The following CCDC6 variants were observed in gnomAD, a reference collection of about 807,000 sequenced individuals.
CCDC6 encodes coiled-coil domain containing 6.
A neutral mutation model predicts 56.6 loss-of-function variants in CCDC6; 20 were observed. That is an observed-to-expected ratio of 0.35 (90% CI 0.25 to 0.51). CCDC6 has a LOEUF of 0.51. Among genes scored for constraint, CCDC6 ranks in the 20% least tolerant of loss-of-function variants. The pLI is 0.95. For missense variants in CCDC6, 367 were observed against 601.1 expected, an observed-to-expected ratio of 0.61 and a Z score of 4.07; for synonymous variants, 241 against 234.4, an observed-to-expected ratio of 1.03 and a Z score of -0.26.
At chr10:59,877,988 TAA>T (rs1045298182) in intron 1 of CCDC6, among the ~76,000 whole-genome samples, 5 of 152,166 alleles carry the variant, frequency 3.3e-5, no homozygotes, top group Non-Finnish European at 7.3e-5. Context: ...TTGAAAGTGT[TAA>T]GAGGGTACAC....
chr10:59,847,525 C>T (rs928715588), intron 2 of CCDC6, among the ~76,000 whole-genome samples: 9 of 152,110 alleles, frequency 5.9e-5, no homozygotes, highest in Admixed American at 1.3e-4. Flanking sequence ...CCTGACTCTG[C>T]AGGGGGGTTC....
At chr10:59,862,434 G>GC (rs2071137519) in intron 1 of CCDC6, among the ~76,000 whole-genome samples, 1 of 150,414 alleles carries the variant, frequency 6.6e-6, no homozygotes, top group Admixed American at 6.6e-5. Flanking sequence ...GTTGCAGTGA[G>GC]CTGAGATCAT....
Position 59,807,037 on chromosome 10 carries a change from T to G in CCDC6, c.889A>C (p.Met297Leu). ...TGGAGCCTCAAGTTCTCTTCTCTCA[T>G]GTGACGTTCCTCCTCCAGATACTGT... ...MAQYLEEERHMREENLRLQRK... is the reference protein window; with the variant it reads ...MAQYLEEERHLREENLRLQRK... Residue 297 changes from methionine to leucine, a missense_variant, in exon 6 of 9, where the codon ATG becomes CTG. By Grantham distance (15) the Met-to-Leu change is conservative (BLOSUM62 2). Transcript: ENST00000263102. 6.2e-7 allele frequency: 1 copy of G among 1,614,102 alleles called. No homozygotes were observed. The highest frequency in any genetic ancestry group is 8.5e-7 in the Non-Finnish European group (1 of 1,179,954).
intron 1 of CCDC6, among the ~76,000 whole-genome samples, chr10:59,895,091 C>G (rs373142575): frequency 7.2e-5 from 11 of 152,206 alleles, no homozygotes; most frequent in African/African-American, 2.6e-4. Flanking sequence ...GGCTTGAGCC[C>G]AGGAGTTCAA....
chr10:59,876,158 C>T (rs1011978561), intron 1 of CCDC6, among the ~76,000 whole-genome samples: 2 of 139,998 alleles, frequency 1.4e-5, no homozygotes, highest in African/African-American at 2.6e-5. Context: ...AAGTGATTCT[C>T]CTGCCTCAGC....
chr10:59,812,780 T>C lies in CCDC6; in HGVS notation c.702A>G (p.Lys234=). ...LEAEKRILQE[K]LDQPVSAPPS... Reference sequence around the variant, plus strand: ...GTGGAGCAGAGACGGGCTGGTCTAATTTTTCCTGCAGGATTCTTCATTGAA... The same window carrying C: ...GTGGAGCAGAGACGGGCTGGTCTAACTTTTCCTGCAGGATTCTTCATTGAA... The change falls in exon 5 of 9, where the codon AAA becomes AAG. Residue 234 remains lysine (K), a synonymous_variant. Coordinates refer to ENST00000263102, the MANE Select transcript of CCDC6 (RefSeq NM_005436.5). The C allele has an allele frequency of 6.2e-7, 1 of 1,602,958 alleles. No homozygotes were observed. Among genetic ancestry groups the C allele is most frequent in the Non-Finnish European group, 8.5e-7 (1 of 1,174,514 alleles).
intron 3 of CCDC6, among the ~76,000 whole-genome samples, chr10:59,822,637 G>A (rs755361770): frequency 3.9e-5 from 6 of 152,184 alleles, no homozygotes; most frequent in Non-Finnish European, 7.3e-5. Context: ...GTGCATGTCT[G>A]TAATCCCAGC....
chr10:59,882,666 C>A (rs117436552), intron 1 of CCDC6, among the ~76,000 whole-genome samples: 64 of 94,838 alleles, frequency 6.7e-4, no homozygotes, highest in Middle Eastern at 6.0e-3. Flanking sequence ...TAACCTTAAA[C>A]ATTAGTGAAA....
intron 1 of CCDC6, among the ~76,000 whole-genome samples, chr10:59,863,215 G>T (rs2071148711): frequency 6.6e-6 from 1 of 152,160 alleles, no homozygotes; most frequent in Admixed American, 6.5e-5. Flanking sequence ...GAAATTCACA[G>T]GTAGATGCAA....
At position 59,797,676 on chromosome 10, in the gene CCDC6, G is replaced by C. The variant is rs549570413; in HGVS notation, c.1106-3079C>G. On this transcript the variant is annotated intron_variant, in intron 7 of 8. Transcript: ENST00000263102. ...TGAGTGAGTGAGAGAGAGAGAGAGT[G>C]AGAGTGTTGTGTGTGTGTGTGTGTG... Among the ~76,000 whole-genome samples the C allele has an allele frequency of 5.7e-5, 7 of 122,592 alleles. No individual in the cohort carries two copies. The East Asian group carries it at 1.6e-3, about 28-fold the overall frequency. 80.4% of individuals were successfully genotyped at this position (122,592 alleles called of 152,430 possible). A position where few individuals can be genotyped will look rare whatever the true frequency, so the allele number is the denominator to read the frequency against.
intron 1 of CCDC6, among the ~76,000 whole-genome samples, chr10:59,898,667 A>C (rs1462595428): frequency 6.6e-6 from 1 of 152,216 alleles, no homozygotes; most frequent in East Asian, 1.9e-4. Flanking sequence ...TCGCTATGCT[A>C]CCGGGAGAGC....
intron 3 of CCDC6, among the ~76,000 whole-genome samples, chr10:59,816,988 T>C (rs2132634234): frequency 6.6e-6 from 1 of 152,282 alleles, no homozygotes; most frequent in Admixed American, 6.5e-5. Flanking sequence ...GTGCAGGGTG[T>C]CAAAATAAGT....
At chr10:59,867,760 G>A (rs534040771) in intron 1 of CCDC6, among the ~76,000 whole-genome samples, 1 of 152,004 alleles carries the variant, frequency 6.6e-6, no homozygotes, top group Non-Finnish European at 1.5e-5. Flanking sequence ...TAGAGATGGG[G>A]TTTCGCCATG....
chr10:59,876,171 C>T (rs904613772), intron 1 of CCDC6, among the ~76,000 whole-genome samples: 1 of 149,632 alleles, frequency 6.7e-6, no homozygotes, highest in African/African-American at 2.5e-5. Flanking sequence ...GCCTCAGCTT[C>T]CCTAGTAGCT....
At chr10:59,809,915 G>A (rs574603460) in intron 5 of CCDC6, among the ~76,000 whole-genome samples, 4 of 152,170 alleles carry the variant, frequency 2.6e-5, no homozygotes, top group Non-Finnish European at 5.9e-5. Context: ...GTGAACTGCG[G>A]ATGACTTCCA....
At chr10:59,832,717 T>C in intron 2 of CCDC6, 64 bp from the exon 3 acceptor site, 1 of 1,543,460 alleles carries the variant, frequency 6.5e-7, no homozygotes, top group South Asian at 1.2e-5. Context: ...AAACACTGGC[T>C]CCAAAAGGTG....
intron 1 of CCDC6, among the ~76,000 whole-genome samples, chr10:59,870,092 T>C (rs541742829): frequency 2.0e-5 from 3 of 152,308 alleles, no homozygotes; most frequent in Admixed American, 6.5e-5. Flanking sequence ...CACAGAGATA[T>C]CTTTTTACTG....
chr10:59,836,678 A>G (rs948208901), intron 2 of CCDC6, among the ~76,000 whole-genome samples: 6 of 152,242 alleles, frequency 3.9e-5, no homozygotes, highest in Non-Finnish European at 5.9e-5. Flanking sequence ...CAACAAATAC[A>G]TTTTTTATAT....
At chr10:59,832,956 T>C (rs1484145361) in intron 2 of CCDC6, among the ~76,000 whole-genome samples, 1 of 152,258 alleles carries the variant, frequency 6.6e-6, no homozygotes, top group Non-Finnish European at 1.5e-5. Flanking sequence ...TACCAATTTT[T>C]ATTAAATGAA....
Sources: gnomAD v4.1 joint callset for allele counts (sites outside exome capture counted in the v4.1 genomes callset) on GRCh38, gnomAD v4.1.1 for gene constraint, MANE v1.5 for transcripts, NCBI Gene and HGNC (gene_info 2026-07-23, HGNC 2026-07-21) for gene names.